DRAM1: variants seen among roughly 807,000 people sequenced by gnomAD.
DRAM1 encodes the protein DNA damage-regulated autophagy modulator protein 1.
A neutral mutation model predicts 28.5 loss-of-function variants in DRAM1; 25 were observed. The ratio of observed to expected loss-of-function variants is 0.88; its 90% CI spans 0.64 to 1.23. The LOEUF (loss-of-function observed/expected upper bound fraction) is 1.23. DRAM1 is among the 50% of genes most tolerant of loss of function. The pLI, the probability that DRAM1 is intolerant of heterozygous loss-of-function variation, is 0.00. For missense variants in DRAM1, 249 were observed against 299.2 expected (o/e 0.83, Z 1.24); for synonymous variants, 113 against 114.2 (o/e 0.99, Z 0.07).
chr12:101,885,810 G>C (rs1872866725), intron 1 of DRAM1, among the ~76,000 whole-genome samples: 1 of 151,930 alleles, frequency 6.6e-6, no homozygotes, highest in Non-Finnish European at 1.5e-5. Flanking sequence ...TTACAGGTGT[G>C]AGCCACCGCG....
At chr12:101,891,949 A>G (rs975937271) in intron 1 of DRAM1, among the ~76,000 whole-genome samples, 6 of 152,204 alleles carry the variant, frequency 3.9e-5, no homozygotes, top group African/African-American at 1.2e-4. Flanking sequence ...CCCAAATACT[A>G]CTACCTCTGC....
At chr12:101,912,877 G>A (rs760586532) in intron 4 of DRAM1, among the ~76,000 whole-genome samples, 18 of 151,828 alleles carry the variant, frequency 1.2e-4, no homozygotes, top group East Asian at 1.9e-4. Flanking sequence ...ACAGGTGCAC[G>A]CCACCATGCC....
intron 1 of DRAM1, among the ~76,000 whole-genome samples, chr12:101,887,370 T>C (rs1022102699): frequency 6.6e-6 from 1 of 152,132 alleles, no homozygotes; most frequent in Non-Finnish European, 1.5e-5. Flanking sequence ...TGATTCAGAG[T>C]AGATGCGATT....
chr12:101,893,480 C>T (rs575784479), intron 1 of DRAM1, among the ~76,000 whole-genome samples: 1 of 152,308 alleles, frequency 6.6e-6, no homozygotes, highest in African/African-American at 2.4e-5. Context: ...TGCTCCCCGC[C>T]CCCAATCATT....
chr12:101,911,007 A>G (rs965495894), intron 4 of DRAM1, among the ~76,000 whole-genome samples: 13 of 151,996 alleles, frequency 8.6e-5, no homozygotes, highest in African/African-American at 2.7e-4. Flanking sequence ...AGGCCGAGGC[A>G]GGTGGATCAC....
chr12:101,887,464 A>G (rs776518608), intron 1 of DRAM1, among the ~76,000 whole-genome samples: 2 of 152,258 alleles, frequency 1.3e-5, no homozygotes, highest in African/African-American at 4.8e-5. Flanking sequence ...ATACACATTG[A>G]TACACTTTAA....
Position 101,914,224 on chromosome 12 carries a change from A to G in DRAM1, c.571A>G (p.Arg191Gly). 6.2e-7 allele frequency: 1 copy of G among 1,607,542 alleles called. No homozygotes were observed. The highest frequency in any genetic ancestry group is 8.5e-7 in the Non-Finnish European group (1 of 1,177,890). Residue 191 changes from arginine (R) to glycine (G), a missense_variant, in exon 5 of 7, where the codon AGA becomes GGA. By Grantham distance (125) the Arg-to-Gly change is moderately radical. This residue lies in a region of DRAM1 where 218 missense variants were observed against 243.1 expected (regional missense o/e 0.90). Coordinates refer to ENST00000258534, the MANE Select transcript of DRAM1 (RefSeq NM_018370.3). ...CATAACCAAGCTGGAGTGGAATCCA[A>G]GAGAAAAGGTAACATTTAAGTTGTT... ...ISITKLEWNPREKDYVYHVVS... is the reference protein window; with the variant it reads ...ISITKLEWNPGEKDYVYHVVS...
intron 5 of DRAM1, among the ~76,000 whole-genome samples, chr12:101,919,284 G>A (rs11837494): frequency 1.4e-5 from 2 of 147,514 alleles, no homozygotes; most frequent in Admixed American, 6.8e-5. Flanking sequence ...ACACACACAC[G>A]CACACACACA....
chr12:101,884,415 A>G (rs1872808526), intron 1 of DRAM1, among the ~76,000 whole-genome samples: 1 of 151,222 alleles, frequency 6.6e-6, no homozygotes, highest in African/African-American at 2.4e-5. Flanking sequence ...CCACACCCAC[A>G]TTCTCAAGCC....
At chr12:101,909,996 G>A (rs1873979947) in intron 4 of DRAM1, among the ~76,000 whole-genome samples, 1 of 152,172 alleles carries the variant, frequency 6.6e-6, no homozygotes, top group Non-Finnish European at 1.5e-5. Flanking sequence ...TATAAAGTGG[G>A]CAAGATGGAG....
chr12:101,879,977 G>A (rs1312599811), intron 1 of DRAM1, among the ~76,000 whole-genome samples: 9 of 150,470 alleles, frequency 6.0e-5, no homozygotes, highest in East Asian at 2.0e-4. Flanking sequence ...GTGACAGAGC[G>A]AGACTCCATC....
intron 1 of DRAM1, among the ~76,000 whole-genome samples, chr12:101,884,228 A>G (rs1594290600): frequency 6.6e-6 from 1 of 151,890 alleles, no homozygotes; most frequent in Non-Finnish European, 1.5e-5. Flanking sequence ...TCTCTACAAT[A>G]CATACAAAAA....
rs191474740 is a variant in DRAM1 at position 101,886,161 on chromosome 12, C to G, written c.131+8241C>G. Among the ~76,000 whole-genome samples, 5 of 152,236 alleles carry G rather than the reference C, an allele frequency of 3.3e-5. No homozygotes were observed. The East Asian group carries it at 9.6e-4, about 29-fold the overall frequency. On this transcript the variant is annotated intron_variant, in intron 1 of 6. Transcript: ENST00000258534. ...CCTTGTGTTTCAGAAGATTTGCGGTCCCAGTTTGTGGTCGATTTGACTTGC... is the reference window on the plus strand; with the variant it reads ...CCTTGTGTTTCAGAAGATTTGCGGTGCCAGTTTGTGGTCGATTTGACTTGC...
Position 101,877,754 on chromosome 12 carries a change from T to G in DRAM1, c.-36T>G. On this transcript the variant is annotated 5_prime_UTR_variant, in exon 1 of 7. Transcript: ENST00000258534. The surrounding 1 kb of genome is among the most constrained non-coding windows in gnomAD (Gnocchi z 4.1). ...GGAGCAACCCGGCGCCCGGCCCCGC[T>G]GGGCGCAGCACTCCGTCGGCGGCGG... The G allele has an allele frequency of 2.1e-6, 3 of 1,421,440 alleles. No homozygotes were observed. The highest frequency in any genetic ancestry group is 2.8e-6 in the Non-Finnish European group (3 of 1,081,350). The allele number at this position is 1,421,440 out of a possible 1,614,324, so 88.1% of individuals were successfully genotyped here.
At chr12:101,896,245 T>C (rs1208317527) in intron 1 of DRAM1, among the ~76,000 whole-genome samples, 1 of 152,214 alleles carries the variant, frequency 6.6e-6, no homozygotes, top group Non-Finnish European at 1.5e-5. Flanking sequence ...CTTAAAAAAT[T>C]CCTGTTTTCT....
In DRAM1 at chr12:101,895,060, TC is replaced by T. The variant is rs745879678; in HGVS notation, c.132-2800del. 5.3e-4 allele frequency among the ~76,000 whole-genome samples: 80 copies of T among 152,228 alleles called. 1 individual carries two copies. The highest frequency in any genetic ancestry group is 6.8e-3 in the Middle Eastern group (2 of 294). On this transcript the variant is annotated intron_variant, in intron 1 of 6. Transcript: ENST00000258534. ...CTCTGCTTTTTTCCCCATTACTGGT[TC>T]CCATTCCTGTCTCTCTGCCCATTCA... is the stretch of plus-strand genomic sequence containing the variant.
intron 2 of DRAM1, among the ~76,000 whole-genome samples, chr12:101,899,485 A>G (rs1015331990): frequency 6.6e-6 from 1 of 151,992 alleles, no homozygotes; most frequent in Non-Finnish European, 1.5e-5. Flanking sequence ...GTGAGATCTC[A>G]TCTCTACAAA....
intron 5 of DRAM1, among the ~76,000 whole-genome samples, chr12:101,914,692 C>G (rs1027988938): frequency 1.3e-5 from 2 of 152,110 alleles, no homozygotes; most frequent in African/African-American, 4.8e-5. Flanking sequence ...GAGTCTCGCT[C>G]TGTCACCCAG....
In DRAM1 at chr12:101,877,928, G is replaced by T; in HGVS notation, c.131+8G>T. ...CTTCCTCCCGTATATCAGGTGAGTG[G>T]CAGGGTGGGCGTCAGGGCCCCAGGA... is the stretch of plus-strand genomic sequence containing the variant. On this transcript the variant is annotated splice_region_variant and intron_variant, in intron 1 of 6. Coordinates refer to ENST00000258534, the MANE Select transcript of DRAM1 (RefSeq NM_018370.3). This position sits in a 1 kb window ranked among gnomAD's most constrained non-coding sequence, Gnocchi z 4.1. The T allele has an allele frequency of 6.5e-7, 1 of 1,526,786 alleles. No homozygotes were observed. Among genetic ancestry groups the T allele is most frequent in the Non-Finnish European group, 8.8e-7 (1 of 1,132,416 alleles). The allele number at this position is 1,526,786 out of a possible 1,614,324, so 94.6% of individuals were successfully genotyped here. A position where few individuals can be genotyped will look rare whatever the true frequency, so the allele number is the denominator to read the frequency against.
Sources: gnomAD v4.1 joint callset for allele counts (sites outside exome capture counted in the v4.1 genomes callset) on GRCh38, gnomAD v4.1.1 for gene constraint, gnomAD v4.1.1 regional missense constraint, Gnocchi (gnomAD v3.1) non-coding constraint, MANE v1.5 for transcripts, NCBI Gene and HGNC (gene_info 2026-07-23, HGNC 2026-07-21) for gene names.